The following ROBO1 variants were observed in gnomAD, a reference collection of about 807,000 sequenced individuals.
The protein encoded by ROBO1 is roundabout homolog 1.
In ROBO1, 149 loss-of-function variants were observed where a neutral mutation model predicts 195.9. That is an observed-to-expected ratio of 0.76 (90% CI 0.67 to 0.87). The LOEUF is 0.87. Ranked by LOEUF, ROBO1 falls within the 40% of genes least tolerant of loss-of-function variation. The pLI, the probability that ROBO1 is intolerant of heterozygous loss-of-function variation, is 0.00. For synonymous variants in ROBO1, 816 were observed against 733.2 expected (o/e 1.11, Z -1.82); for missense variants, 1,933 against 2,068.3 (o/e 0.93, Z 1.27).
intron 2 of ROBO1, among the ~76,000 whole-genome samples, chr3:79,577,608 G>C (rs1489233396): frequency 6.6e-6 from 1 of 152,008 alleles, no homozygotes; most frequent in African/African-American, 2.4e-5. Flanking sequence ...GGGCGTGGTG[G>C]GACATACCTG....
intron 22 of ROBO1, 56 bp downstream of exon 22, chr3:78,639,688 T>A (rs1224557544): frequency 5.4e-6 from 8 of 1,486,106 alleles, no homozygotes; most frequent in African/African-American, 1.4e-5. Context: ...AGAAAAGATC[T>A]TCTGGCTAGT....
rs151337509 is a variant in ROBO1 at position 79,001,540 on chromosome 3, T to C, written c.173-62613A>G. Among the ~76,000 whole-genome samples the C allele has an allele frequency of 3.7e-4, 56 of 152,246 alleles. 1 individual carries two copies. The East Asian group carries it at 7.4e-3, about 20-fold the overall frequency. On this transcript the variant is annotated intron_variant, in intron 3 of 30. Transcript: ENST00000464233. ...TCACTGCCCAGAAATCTTTGACTTA[T>C]GGCAGGTACCCAGTAAAGGTTATAT...
At position 79,429,127 on chromosome 3, in the gene ROBO1, T is replaced by C. The variant is rs114453368; in HGVS notation, c.88+160697A>G. Among the ~76,000 whole-genome samples the C allele has an allele frequency of 2.2e-3, 342 of 152,274 alleles. 2 individuals carry two copies. The highest frequency in any genetic ancestry group is 7.7e-3 in the African/African-American group (320 of 41,576). On this transcript the variant is annotated intron_variant, in intron 2 of 30. Coordinates refer to ENST00000464233, the MANE Select transcript of ROBO1 (RefSeq NM_002941.4). The stretch of plus-strand genomic sequence containing the variant: ...GTATGTAAATTGTATCTAGATAACC[T>C]GACTTGAAAGATGAAACTAGAAATA...
intron 26 of ROBO1, among the ~76,000 whole-genome samples, chr3:78,624,048 T>C (rs1029154102): frequency 6.6e-6 from 1 of 152,128 alleles, no homozygotes; most frequent in African/African-American, 2.4e-5. Context: ...TGGCCAATAT[T>C]AAGGAGTTGG....
chr3:78,716,812 T>C (rs1349406353), intron 7 of ROBO1, among the ~76,000 whole-genome samples: 1 of 152,076 alleles, frequency 6.6e-6, no homozygotes, highest in Non-Finnish European at 1.5e-5. Context: ...GCATCTCTGC[T>C]CCTGGCCAAT....
chr3:79,555,343 C>T (rs376691470), intron 2 of ROBO1, among the ~76,000 whole-genome samples: 16 of 151,996 alleles, frequency 1.1e-4, no homozygotes, highest in East Asian at 3.9e-4. Flanking sequence ...AGGAAAGTTA[C>T]CGATTCCTGA....
intron 2 of ROBO1, among the ~76,000 whole-genome samples, chr3:79,140,016 C>T (rs2080491222): frequency 6.6e-6 from 1 of 152,092 alleles, no homozygotes. Context: ...CTTTTTATAG[C>T]ATTTAAATGA....
At chr3:79,052,580 C>T (rs1025507709) in intron 3 of ROBO1, among the ~76,000 whole-genome samples, 1 of 152,108 alleles carries the variant, frequency 6.6e-6, no homozygotes, top group Non-Finnish European at 1.5e-5. Context: ...GGTTTTGCAG[C>T]TCAGGGGGAA....
chr3:78,613,969 T>C (rs1364543390), intron 28 of ROBO1, among the ~76,000 whole-genome samples: 1 of 152,178 alleles, frequency 6.6e-6, no homozygotes, highest in Admixed American at 6.5e-5. Flanking sequence ...TTATCTTACA[T>C]GAATTTCCAA....
chr3:79,544,482 G>T (rs1478886322), intron 2 of ROBO1, among the ~76,000 whole-genome samples: 2 of 151,880 alleles, frequency 1.3e-5, no homozygotes, highest in African/African-American at 4.8e-5. Context: ...ACTAGATAAA[G>T]TGTTTTCAAA....
chr3:78,746,535 G>T (rs1371865064), intron 5 of ROBO1, among the ~76,000 whole-genome samples: 1 of 152,120 alleles, frequency 6.6e-6, no homozygotes, highest in Admixed American at 6.5e-5. Context: ...TTCTTTTACT[G>T]ATCTCTAAAC....
intron 3 of ROBO1, among the ~76,000 whole-genome samples, chr3:79,034,561 G>A (rs1576594420): frequency 6.6e-6 from 1 of 151,942 alleles, no homozygotes; most frequent in Admixed American, 6.6e-5. Context: ...TGTCTATGGT[G>A]GTATTAAAAC....
chr3:79,352,847 C>G (rs976983982), intron 2 of ROBO1, among the ~76,000 whole-genome samples: 5 of 152,130 alleles, frequency 3.3e-5, no homozygotes, highest in Non-Finnish European at 5.9e-5. Flanking sequence ...TTATAGATGT[C>G]TATTTCTTAC....
intron 1 of ROBO1, among the ~76,000 whole-genome samples, chr3:79,753,004 A>C (rs1306962312): frequency 6.6e-6 from 1 of 152,134 alleles, no homozygotes; most frequent in African/African-American, 2.4e-5. Context: ...GTAGAGAGTG[A>C]CTGATCATTA....
chr3:79,212,207 G>A (rs181693613), intron 2 of ROBO1, among the ~76,000 whole-genome samples: 13 of 152,294 alleles, frequency 8.5e-5, no homozygotes, highest in Non-Finnish European at 1.5e-4. Context: ...TGGCCATCAC[G>A]AACTTGTCAC....
intron 2 of ROBO1, among the ~76,000 whole-genome samples, chr3:79,247,129 G>GTTTT (rs575917340): frequency 8.9e-5 from 12 of 134,806 alleles, no homozygotes; most frequent in African/African-American, 3.3e-4. Context: ...CCTGTTTACT[G>GTTTT]TTTTTTTTTT....
chr3:79,246,600 T>C (rs1167804589), intron 2 of ROBO1, among the ~76,000 whole-genome samples: 5 of 152,118 alleles, frequency 3.3e-5, no homozygotes, highest in Non-Finnish European at 4.4e-5. Flanking sequence ...ATCGTGCAGC[T>C]CTGGAGCACT....
At chr3:79,390,500 T>G (rs2036908692) in intron 2 of ROBO1, among the ~76,000 whole-genome samples, 1 of 152,092 alleles carries the variant, frequency 6.6e-6, no homozygotes, top group Non-Finnish European at 1.5e-5. Context: ...TATTAAAGAA[T>G]AGCTGACAAG....
intron 2 of ROBO1, among the ~76,000 whole-genome samples, chr3:79,468,580 C>T (rs1938097185): frequency 6.6e-6 from 1 of 152,100 alleles, no homozygotes; most frequent in Non-Finnish European, 1.5e-5. Context: ...GAACTTGAAA[C>T]TAGAGAGAAT....
Sources: allele counts gnomAD v4.1 joint callset (sites outside exome capture counted in the v4.1 genomes callset), GRCh38; gene constraint gnomAD v4.1.1; transcripts MANE v1.5; gene names NCBI Gene and HGNC (gene_info 2026-07-23, HGNC 2026-07-21).